BBS4: variants seen among roughly 807,000 people sequenced by gnomAD.
The protein encoded by BBS4 is Bardet-Biedl syndrome 4.
Under a neutral mutation model 71.4 loss-of-function variants are expected in BBS4, and 58 were observed. The ratio of observed to expected loss-of-function variants is 0.81; its 90% CI spans 0.66 to 1.01. BBS4 has a LOEUF of 1.01. BBS4 is among the 50% of genes least tolerant of loss of function. The probability of loss-of-function intolerance (pLI) is 0.00; values close to 1 mark genes in which losing one functional copy is unlikely to be tolerated. For missense variants in BBS4, 660 were observed against 607.9 expected (o/e 1.09, Z -0.90); for synonymous variants, 228 against 216.8 (o/e 1.05, Z -0.46).
intron 2 of BBS4, among the ~76,000 whole-genome samples, chr15:72,702,583 A>T (rs190683099): frequency 1.3e-5 from 2 of 152,278 alleles, no homozygotes; most frequent in African/African-American, 4.8e-5. Context: ...GCTAATGAGA[A>T]GCAAACAAAC....
intron 1 of BBS4, among the ~76,000 whole-genome samples, chr15:72,689,100 G>T (rs1048874326): frequency 6.6e-6 from 1 of 151,846 alleles, no homozygotes; most frequent in Non-Finnish European, 1.5e-5. Flanking sequence ...TAAATAAAAG[G>T]TAGATGTGAA....
Position 72,707,177 on chromosome 15 carries a change from C to CTTTT in BBS4, c.77-2522_77-2519dup, listed in dbSNP as rs756415809. ...GCTCTTCCCTTTCTTTTCCTTTTTT[C>CTTTT]TTTTCTTTTTTTTTTTTTGGAGACA... On this transcript the variant is annotated intron_variant, in intron 2 of 15. Transcript: ENST00000268057. Among the ~76,000 whole-genome samples the CTTTT allele has an allele frequency of 4.5e-5, 6 of 132,420 alleles. 1 individual carries two copies. The highest frequency in any genetic ancestry group is 2.2e-4 in the East Asian group (1 of 4,498). The allele number at this position is 132,420 out of a possible 152,430, so 86.9% of individuals were successfully genotyped here. A position where few individuals can be genotyped will look rare whatever the true frequency, so the allele number is the denominator to read the frequency against.
At chr15:72,691,999 A>T (rs1238238507) in intron 1 of BBS4, among the ~76,000 whole-genome samples, 1 of 150,998 alleles carries the variant, frequency 6.6e-6, no homozygotes, top group Non-Finnish European at 1.5e-5. Context: ...TATGGCCAAG[A>T]CTAAGGAAAG....
intron 6 of BBS4, among the ~76,000 whole-genome samples, chr15:72,719,088 G>A (rs1381054517): frequency 6.6e-6 from 1 of 151,744 alleles, no homozygotes; most frequent in Admixed American, 6.6e-5. Flanking sequence ...TGTTTGAGAC[G>A]GCACAGGAAA....
intron 8 of BBS4, 49 bp from the exon 9 acceptor site, chr15:72,727,891 G>A (rs772222069): frequency 7.2e-6 from 10 of 1,398,594 alleles, no homozygotes; most frequent in South Asian, 3.5e-5. Context: ...ATGTGTCTTC[G>A]TGTTTCTCAT....
chr15:72,737,553 C>T lies in BBS4; in HGVS notation c.1526C>T (p.Pro509Leu), dbSNP rs765958073. The T allele has an allele frequency of 6.2e-7, 1 of 1,611,728 alleles. No homozygotes were observed. The highest frequency in any genetic ancestry group is 8.5e-7 in the Non-Finnish European group (1 of 1,179,066). The change falls in exon 16 of 16, where the codon CCA (proline) becomes CTA (leucine). Residue 509 changes from proline (P) to leucine (L), a missense_variant. By Grantham distance (98) the Pro-to-Leu change is moderately conservative (BLOSUM62 -3). Transcript: ENST00000268057. Reference sequence around the variant, plus strand: ...CCAGAGCCTGCGGTGGAATCAAGTCCAACTGAAACATCAGAACAAATAAGA... The same window carrying T: ...CCAGAGCCTGCGGTGGAATCAAGTCTAACTGAAACATCAGAACAAATAAGA... ...LEPEPAVESS[P>L]TETSEQIREK
intron 6 of BBS4, among the ~76,000 whole-genome samples, chr15:72,718,735 A>G (rs1310192070): frequency 6.6e-6 from 1 of 152,222 alleles, no homozygotes; most frequent in East Asian, 1.9e-4. Context: ...CTGGAGATGC[A>G]AAGATGGACT....
chr15:72,729,204 A>C (rs2065759576), intron 9 of BBS4, among the ~76,000 whole-genome samples: 1 of 143,678 alleles, frequency 7.0e-6, no homozygotes, highest in Non-Finnish European at 1.5e-5. Flanking sequence ...AGAGAACTCA[A>C]AAAAGCCAGA....
At chr15:72,704,840 A>G (rs2065234677) in intron 2 of BBS4, among the ~76,000 whole-genome samples, 1 of 149,892 alleles carries the variant, frequency 6.7e-6, no homozygotes, top group Non-Finnish European at 1.5e-5. Context: ...AGATCGCGCC[A>G]CTGCACTCCG....
At chr15:72,728,154 A>C (rs2065738673) in intron 9 of BBS4, among the ~76,000 whole-genome samples, 160 bp downstream of exon 9, 1 of 152,196 alleles carries the variant, frequency 6.6e-6, no homozygotes, top group Non-Finnish European at 1.5e-5. Context: ...TAAAGGAATT[A>C]ATTTTCTGCA....
intron 6 of BBS4, among the ~76,000 whole-genome samples, chr15:72,718,884 G>A (rs1490497501): frequency 6.6e-6 from 1 of 152,128 alleles, no homozygotes; most frequent in Non-Finnish European, 1.5e-5. Context: ...GTTCTGAGGG[G>A]ATATCTAAAT....
intron 3 of BBS4, 57 bp downstream of exon 3, chr15:72,709,836 C>A: frequency 7.3e-7 from 1 of 1,378,622 alleles, no homozygotes; most frequent in Non-Finnish European, 1.0e-6. Flanking sequence ...AGGCAACTAA[C>A]AGTGCCTGCT....
In BBS4 at chr15:72,731,294, C is replaced by T. The variant is rs1445942088; in HGVS notation, c.712-11C>T. 1.9e-6 allele frequency: 3 copies of T among 1,613,844 alleles called. No homozygotes were observed. The highest frequency in any genetic ancestry group is 2.5e-6 in the Non-Finnish European group (3 of 1,180,002). On this transcript the variant is annotated splice_polypyrimidine_tract_variant and intron_variant, in intron 10 of 15. Coordinates refer to ENST00000268057, the MANE Select transcript of BBS4 (RefSeq NM_033028.5). Reference sequence around the variant, plus strand: ...AATGACTGAATGACTTTCTCTGTGCCATGTTTTCAGGCCATCTTGGCAGCA... The same window carrying T: ...AATGACTGAATGACTTTCTCTGTGCTATGTTTTCAGGCCATCTTGGCAGCA...
intron 10 of BBS4, among the ~76,000 whole-genome samples, chr15:72,731,047 A>G (rs1160580964): frequency 2.0e-5 from 3 of 149,202 alleles, no homozygotes; most frequent in Non-Finnish European, 4.5e-5. Flanking sequence ...CAGATGGGTA[A>G]AGCAAGTAAC....
intron 1 of BBS4, among the ~76,000 whole-genome samples, chr15:72,688,409 A>ATTTTTTTTTTTTTTTTTTTTT (rs1188469848): frequency 4.1e-5 from 1 of 24,118 alleles, no homozygotes; most frequent in East Asian, 2.5e-3. Flanking sequence ...GTGGTATTTT[A>ATTTTTTTTTTTTTTTTTTTTT]TCTTTTTTTT....
rs1287237832 is a variant in BBS4, at chr15:72,736,961, CAGGT to C, written c.1450+2_1450+5del. On this transcript the variant is annotated splice_donor_variant and coding_sequence_variant, in exon 15 of 16. Transcript: ENST00000268057. LOFTEE classifies it high-confidence loss of function. ...GCAGCTGCATACAGGACGCTCCCCTCAGGTAGGACCATACAGAGCTCCATGAAGA... is the reference window on the plus strand; with the variant it reads ...GCAGCTGCATACAGGACGCTCCCCTCAGGACCATACAGAGCTCCATGAAGA... The C allele has an allele frequency of 3.1e-6, 5 of 1,613,938 alleles. No individual in the cohort carries two copies. The highest frequency in any genetic ancestry group is 2.7e-5 in the African/African-American group (2 of 74,934).
chr15:72,692,880 G>A (rs1158992503), intron 1 of BBS4, among the ~76,000 whole-genome samples: 1 of 152,096 alleles, frequency 6.6e-6, no homozygotes, highest in Non-Finnish European at 1.5e-5. Flanking sequence ...TTATAGGTGT[G>A]AGCCACCACA....
chr15:72,735,158 A>T lies in BBS4; in HGVS notation c.1082A>T (p.Tyr361Phe). ...GATATAGAAAATGCCAAGAGAGCCT[A>T]CGCAGAAGCAGTCCACCTGGATAAG... The part of the protein sequence containing the change: ...LEDIENAKRA[Y>F]AEAVHLDKCN... The change falls in exon 13 of 16, where the codon TAC becomes TTC. Residue 361 changes from tyrosine to phenylalanine, a missense_variant. By Grantham distance (22) the Tyr-to-Phe change is conservative. Transcript: ENST00000268057. 6.2e-7 allele frequency: 1 copy of T among 1,613,816 alleles called. No individual in the cohort carries two copies. The highest frequency in any genetic ancestry group is 8.5e-7 in the Non-Finnish European group (1 of 1,179,768).
intron 2 of BBS4, among the ~76,000 whole-genome samples, chr15:72,707,151 T>A (rs1205154616): frequency 1.3e-5 from 2 of 151,638 alleles, no homozygotes; most frequent in Admixed American, 1.3e-4. Context: ...CTCTTCCCCA[T>A]GCTCTTCCCT....
Sources: gnomAD v4.1 joint callset for allele counts (sites outside exome capture counted in the v4.1 genomes callset) on GRCh38, gnomAD v4.1.1 for gene constraint, MANE v1.5 for transcripts, NCBI Gene and HGNC (gene_info 2026-07-23, HGNC 2026-07-21) for gene names.